The following ARHGAP23 variants were observed in gnomAD, a reference collection of about 807,000 sequenced individuals.
ARHGAP23 encodes the protein rho GTPase-activating protein 23.
A neutral mutation model predicts 136.3 loss-of-function variants in ARHGAP23; 34 were observed. That is an observed-to-expected ratio of 0.25 (90% CI 0.19 to 0.33). The LOEUF (loss-of-function observed/expected upper bound fraction) is 0.33, where lower values mean the gene tolerates loss of function less well. Among genes scored for constraint, ARHGAP23 ranks in the 10% least tolerant of loss-of-function variants. The pLI is 1.00. For synonymous variants in ARHGAP23, 832 were observed against 920.5 expected (o/e 0.90, Z 1.74); for missense variants, 1,808 against 2,139.0 (o/e 0.85, Z 3.05).
Position 38,428,465 on chromosome 17 carries a change from C to CCACAGGTG in ARHGAP23, c.-21_-20insCACAGGTG. On this transcript the variant is annotated 5_prime_UTR_variant, in exon 1 of 24. Coordinates refer to ENST00000622683, the MANE Select transcript of ARHGAP23 (RefSeq NM_001199417.2). ...GGCGCCCCCAGCCGTGCCCCGGCCG[C>CCACAGGTG]AGAGCCGCCGCTGCCACCCGATGAA... 7.0e-7 allele frequency: 1 copy of CCACAGGTG among 1,428,978 alleles called. No homozygotes were observed. The highest frequency in any genetic ancestry group is 9.2e-7 in the Non-Finnish European group (1 of 1,091,180). 88.5% of individuals were successfully genotyped at this position (1,428,978 alleles called of 1,614,324 possible).
chr17:38,455,517 C>T (rs1225043501), intron 1 of ARHGAP23, among the ~76,000 whole-genome samples: 1 of 152,204 alleles, frequency 6.6e-6, no homozygotes, highest in Non-Finnish European at 1.5e-5. Flanking sequence ...CCCCAGGCAG[C>T]TGGCAGCTCC....
Position 38,466,402 on chromosome 17 carries a change from T to C in ARHGAP23, c.719T>C (p.Leu240Pro), listed in dbSNP as rs2039595206. ...GTGCCACCTGCTGCCCGTGCCCACCTGGACAACTCTTCCTTGGGGATGAGC... is the reference window on the plus strand; with the variant it reads ...GTGCCACCTGCTGCCCGTGCCCACCCGGACAACTCTTCCTTGGGGATGAGC... ...LRVPPAARAH[L>P]DNSSLGMSQP... Residue 240 changes from leucine (L) to proline (P), a missense_variant, in exon 7 of 24, where the codon CTG becomes CCG. Physicochemically the swap from Leu to Pro is moderately conservative, Grantham distance 98. This residue lies in a region of ARHGAP23 where 859 missense variants were observed against 936.4 expected (regional missense o/e 0.92). Coordinates refer to ENST00000622683, the MANE Select transcript of ARHGAP23 (RefSeq NM_001199417.2). The C allele has an allele frequency of 6.5e-7, 1 of 1,533,330 alleles. No homozygotes were observed. The highest frequency in any genetic ancestry group is 2.5e-5 in the East Asian group (1 of 40,750). 95.0% of individuals were successfully genotyped at this position (1,533,330 alleles called of 1,614,324 possible).
At chr17:38,509,147 C>T (rs572318037) in intron 23 of ARHGAP23, among the ~76,000 whole-genome samples, 41 of 152,122 alleles carry the variant, frequency 2.7e-4, no homozygotes, top group African/African-American at 9.6e-4. Context: ...GCAGCATGGG[C>T]CCTCCTGGGA....
At chr17:38,429,788 C>G (rs1179210379) in intron 1 of ARHGAP23, among the ~76,000 whole-genome samples, 2 of 152,170 alleles carry the variant, frequency 1.3e-5, no homozygotes, top group Non-Finnish European at 2.9e-5. Flanking sequence ...TACTTCATCT[C>G]TATCCCCTGC....
At chr17:38,439,466 G>A (rs901097255) in intron 1 of ARHGAP23, among the ~76,000 whole-genome samples, 2 of 152,142 alleles carry the variant, frequency 1.3e-5, no homozygotes, top group Non-Finnish European at 2.9e-5. Flanking sequence ...TTGAGTGAAC[G>A]CTGCTGACTG....
At chr17:38,467,375 G>A (rs1212492339) in intron 7 of ARHGAP23, 44 bp downstream of exon 7, 12 of 1,446,578 alleles carry the variant, frequency 8.3e-6, no homozygotes, top group South Asian at 4.4e-5. Flanking sequence ...CTTAGCTGTC[G>A]GCTGTCTGTG....
intron 11 of ARHGAP23, among the ~76,000 whole-genome samples, chr17:38,473,404 C>A (rs2039811623): frequency 6.6e-6 from 1 of 152,166 alleles, no homozygotes; most frequent in African/African-American, 2.4e-5. Context: ...CTTCCCTGAG[C>A]CTCACTTTCT....
intron 1 of ARHGAP23, among the ~76,000 whole-genome samples, chr17:38,438,664 GGT>G (rs1200362726): frequency 1.3e-5 from 2 of 151,940 alleles, no homozygotes; most frequent in Non-Finnish European, 2.9e-5. Flanking sequence ...TGAAACTGGA[GGT>G]ACAGTTGGAA....
chr17:38,448,965 T>G (rs546337320), intron 1 of ARHGAP23, among the ~76,000 whole-genome samples: 2 of 150,630 alleles, frequency 1.3e-5, no homozygotes, highest in Non-Finnish European at 2.9e-5. Flanking sequence ...ACCACAGGCA[T>G]GCACTACCAC....
upstream of ARHGAP23, chr17:38,428,459 C>T (rs1267529703): frequency 1.5e-5 from 21 of 1,421,306 alleles, no homozygotes; most frequent in Non-Finnish European, 1.9e-5. Context: ...AGCCGTGCCC[C>T]GGCCGCAGAG....
At position 38,510,932 on chromosome 17, in the gene ARHGAP23, C is replaced by G. The variant is rs2040751598; in HGVS notation, c.4436C>G (p.Pro1479Arg). 6.8e-7 allele frequency: 1 copy of G among 1,470,432 alleles called. No individual in the cohort carries two copies. The highest frequency in any genetic ancestry group is 8.9e-7 in the Non-Finnish European group (1 of 1,122,452). 91.1% of individuals were successfully genotyped at this position (1,470,432 alleles called of 1,614,324 possible). A position where few individuals can be genotyped will look rare whatever the true frequency, so the allele number is the denominator to read the frequency against. ...ACGGGGTCCCTGCAGAGCCAGCCCC[C>G]GCGCCGCTCGGCCGCCTCCCGCCTG... ...GDTGSLQSQP[P>R]RRSAASRLHQ... is the part of the protein sequence containing the mutation. The change falls in exon 24 of 24, where the codon CCG becomes CGG. Residue 1479 changes from proline to arginine, a missense_variant. Coordinates refer to ENST00000622683, the MANE Select transcript of ARHGAP23 (RefSeq NM_001199417.2). The surrounding 1 kb of genome is among the most constrained non-coding windows in gnomAD (Gnocchi z 4.6).
At chr17:38,440,620 C>A (rs2038899235) in intron 1 of ARHGAP23, among the ~76,000 whole-genome samples, 1 of 152,198 alleles carries the variant, frequency 6.6e-6, no homozygotes, top group Non-Finnish European at 1.5e-5. Flanking sequence ...CCCCCCTAGC[C>A]CGGTGCCAGG....
chr17:38,448,288 C>T (rs936674750), intron 1 of ARHGAP23, among the ~76,000 whole-genome samples: 7 of 152,130 alleles, frequency 4.6e-5, no homozygotes, highest in East Asian at 1.9e-4. Context: ...CATGTGTCAC[C>T]GTGTCTTTGT....
At chr17:38,481,099 G>T (rs1252709801) in intron 14 of ARHGAP23, among the ~76,000 whole-genome samples, 1 of 151,864 alleles carries the variant, frequency 6.6e-6, no homozygotes, top group Admixed American at 6.6e-5. Flanking sequence ...CCTCAGCCCC[G>T]CTAGTAACTG....
chr17:38,478,231 G>T (rs565991380), intron 12 of ARHGAP23, among the ~76,000 whole-genome samples: 33 of 152,252 alleles, frequency 2.2e-4, no homozygotes, highest in African/African-American at 7.7e-4. Context: ...TTCTCAGCAG[G>T]CGAGGAAGGC....
chr17:38,438,084 G>A (rs981318784), intron 1 of ARHGAP23, among the ~76,000 whole-genome samples: 9 of 152,096 alleles, frequency 5.9e-5, no homozygotes, highest in Admixed American at 5.9e-4. Flanking sequence ...GCACTTTTGG[G>A]GGCCAAGGTG....
chr17:38,435,295 G>A (rs1461633291), intron 1 of ARHGAP23, among the ~76,000 whole-genome samples: 1 of 137,818 alleles, frequency 7.3e-6, no homozygotes, highest in Non-Finnish European at 1.5e-5. Context: ...ATGCCAAGTG[G>A]GAGGAGGAAG....
At chr17:38,509,140 G>T (rs1477916442) in intron 23 of ARHGAP23, among the ~76,000 whole-genome samples, 1 of 152,230 alleles carries the variant, frequency 6.6e-6, no homozygotes, top group African/African-American at 2.4e-5. Context: ...ATGGGCGGCA[G>T]CATGGGCCCT....
intron 1 of ARHGAP23, chr17:38,451,729 GGTTCCA>G (rs955281700): frequency 1.3e-5 from 2 of 152,324 alleles, no homozygotes; most frequent in African/African-American, 4.8e-5. Context: ...TCTTGATGGT[GGTTCCA>G]GCTGGTCTAG....
Sources: gnomAD v4.1 joint callset for allele counts (sites outside exome capture counted in the v4.1 genomes callset) on GRCh38, gnomAD v4.1.1 for gene constraint, gnomAD v4.1.1 regional missense constraint, Gnocchi (gnomAD v3.1) non-coding constraint, MANE v1.5 for transcripts, NCBI Gene and HGNC (gene_info 2026-07-23, HGNC 2026-07-21) for gene names.